The following PCDH15 variants were observed in gnomAD, a reference collection of about 807,000 sequenced individuals.
PCDH15 encodes protocadherin related 15, also known as protocadherin-15.
PCDH15 carries 129 observed loss-of-function variants against 178.5 expected under a neutral mutation model. That is an observed-to-expected ratio of 0.72 (90% CI 0.63 to 0.84). The LOEUF is 0.84. Ranked by LOEUF, PCDH15 falls within the 40% of genes least tolerant of loss-of-function variation. The pLI, the probability that PCDH15 is intolerant of heterozygous loss-of-function variation, is 0.00. For missense variants in PCDH15, 2,230 were observed against 2,099.9 expected (o/e 1.06, Z -1.21); for synonymous variants, 800 against 732.0 (o/e 1.09, Z -1.50).
At chr10:54,293,669 A>G (rs936465713) in intron 8 of PCDH15, among the ~76,000 whole-genome samples, 1 of 152,250 alleles carries the variant, frequency 6.6e-6, no homozygotes, top group Non-Finnish European at 1.5e-5. Flanking sequence ...CTATGAACAG[A>G]TTCTTCTCAA....
In PCDH15 at chr10:53,902,804, A is replaced by AT. The variant is rs555737741; in HGVS notation, c.3501+438dup. Among the ~76,000 whole-genome samples, 8 of 152,094 alleles carry AT rather than the reference A, an allele frequency of 5.3e-5. No homozygotes were observed. In the South Asian group the frequency reaches 8.3e-4, roughly 16 times the overall value. On this transcript the variant is annotated intron_variant, in intron 26 of 37. Transcript: ENST00000644397. ...GTAAAGTACTAAAACTGGTAGTGTT[A>AT]TTTTTTTACTTTCATTCAATCAGCA...
At position 54,537,391 on chromosome 10, in the gene PCDH15, A is replaced by G. The variant is rs372382109; in HGVS notation, c.92-9514T>C. On this transcript the variant is annotated intron_variant, in intron 2 of 37. Transcript: ENST00000644397. ...AAGTCTGAAACTACTCTAAAATATC[A>G]AGGAGGAGAGTCTGCTCCCTAACTC... Among the ~76,000 whole-genome samples the G allele has an allele frequency of 2.0e-5, 3 of 152,210 alleles. No individual in the cohort carries two copies. In the East Asian group the frequency reaches 5.8e-4, roughly 30 times the overall value.
intron 2 of PCDH15, among the ~76,000 whole-genome samples, chr10:55,144,102 T>C (rs972629953): frequency 2.0e-5 from 3 of 152,066 alleles, no homozygotes; most frequent in Non-Finnish European, 4.4e-5. Flanking sequence ...TCAGAAGATG[T>C]TGCTATGTAT....
rs532291618 is a variant in PCDH15, at chr10:54,809,465, T to C, written c.-29+87985A>G. On this transcript the variant is annotated intron_variant, in intron 3 of 5. Coordinates refer to the PCDH15 transcript ENST00000458638. ...AGCATTTTTATGTTAAATGCCAACA[T>C]AGTAAGAAATTACAAGTTTGGCAAA... 3.3e-5 allele frequency among the ~76,000 whole-genome samples: 5 copies of C among 152,180 alleles called. No homozygotes were observed. In the South Asian group the frequency reaches 6.2e-4, roughly 19 times the overall value.
intron 2 of PCDH15, among the ~76,000 whole-genome samples, chr10:54,909,213 G>C (rs1954777561): frequency 6.6e-6 from 1 of 152,172 alleles, no homozygotes; most frequent in Non-Finnish European, 1.5e-5. Context: ...ACAAAGCCCA[G>C]TCCCCAGGCT....
intron 8 of PCDH15, among the ~76,000 whole-genome samples, chr10:54,287,367 T>C (rs976065987): frequency 6.6e-6 from 1 of 152,232 alleles, no homozygotes; most frequent in Non-Finnish European, 1.5e-5. Context: ...TTATAGTACA[T>C]GAAGACAGAA....
At chr10:55,009,250 A>ATATG (rs1554822689) in intron 2 of PCDH15, among the ~76,000 whole-genome samples, 1 of 149,356 alleles carries the variant, frequency 6.7e-6, no homozygotes, top group East Asian at 2.0e-4. Flanking sequence ...GCACGCACAG[A>ATATG]TGTGTGTGTG....
Position 54,106,713 on chromosome 10 carries a change from C to A in PCDH15, c.1918-16650G>T, listed in dbSNP as rs368487323. 7.9e-5 allele frequency among the ~76,000 whole-genome samples: 12 copies of A among 151,946 alleles called. No homozygotes were observed. In the East Asian group the frequency reaches 1.4e-3, roughly 17 times the overall value. On this transcript the variant is annotated intron_variant, in intron 15 of 37. Transcript: ENST00000644397. ...CACACACATAAGAAAATTTCACACACAAAAAAGAGAGTTGACAGTACAACT... is the reference window on the plus strand; with the variant it reads ...CACACACATAAGAAAATTTCACACAAAAAAAAGAGAGTTGACAGTACAACT...
chr10:55,544,675 G>A (rs1169859285), intron 2 of PCDH15, among the ~76,000 whole-genome samples: 4 of 152,090 alleles, frequency 2.6e-5, no homozygotes, highest in Non-Finnish European at 5.9e-5. Flanking sequence ...ACACAATAAA[G>A]GGGAAAATCT....
intron 2 of PCDH15, among the ~76,000 whole-genome samples, chr10:54,929,129 C>T (rs1216126374): frequency 6.6e-6 from 1 of 152,122 alleles, no homozygotes; most frequent in African/African-American, 2.4e-5. Context: ...ATTTGATGAC[C>T]ATGAGCGTTT....
At chr10:55,338,875 G>C (rs1398176156) in intron 2 of PCDH15, among the ~76,000 whole-genome samples, 2 of 152,088 alleles carry the variant, frequency 1.3e-5, no homozygotes, top group Non-Finnish European at 2.9e-5. Flanking sequence ...TGTAAGCCAG[G>C]CACCGTAAAA....
chr10:55,461,005 G>C (rs1196683304), intron 2 of PCDH15, among the ~76,000 whole-genome samples: 2 of 152,100 alleles, frequency 1.3e-5, no homozygotes, highest in Non-Finnish European at 2.9e-5. Context: ...TGAATCTGAA[G>C]GTTTCCAGTG....
At chr10:54,915,291 A>T (rs955357346) in intron 2 of PCDH15, among the ~76,000 whole-genome samples, 1 of 152,206 alleles carries the variant, frequency 6.6e-6, no homozygotes, top group Non-Finnish European at 1.5e-5. Flanking sequence ...GATTGAACCC[A>T]CTACAAAGCT....
intron 2 of PCDH15, among the ~76,000 whole-genome samples, chr10:55,016,991 G>C (rs1162172456): frequency 6.6e-6 from 1 of 152,048 alleles, no homozygotes; most frequent in African/African-American, 2.4e-5. Flanking sequence ...GAGAGGGAGA[G>C]AAGTGAGTGC....
intron 1 of PCDH15, among the ~76,000 whole-genome samples, chr10:55,292,793 G>T (rs1482017577): frequency 6.6e-6 from 1 of 152,202 alleles, no homozygotes; most frequent in Non-Finnish European, 1.5e-5. Flanking sequence ...TTCTGCCCCT[G>T]TGGCTTTGCA....
At chr10:54,235,548 TAAA>T (rs1346679134) in intron 9 of PCDH15, among the ~76,000 whole-genome samples, 1 of 152,202 alleles carries the variant, frequency 6.6e-6, no homozygotes, top group East Asian at 1.9e-4. Context: ...GTCTTTCTGC[TAAA>T]ATGACACTTC....
intron 26 of PCDH15, among the ~76,000 whole-genome samples, chr10:53,902,500 G>T (rs2082397581): frequency 6.6e-6 from 1 of 152,070 alleles, no homozygotes; most frequent in East Asian, 1.9e-4. Context: ...AATTAACTCC[G>T]CAATTGAGAA....
chr10:55,248,242 A>G (rs1247499325), intron 1 of PCDH15, among the ~76,000 whole-genome samples: 1 of 152,012 alleles, frequency 6.6e-6, no homozygotes, highest in African/African-American at 2.4e-5. Context: ...ATAATACTAT[A>G]TATCAGATTT....
intron 2 of PCDH15, among the ~76,000 whole-genome samples, chr10:55,569,091 T>C (rs904686987): frequency 6.6e-6 from 1 of 152,130 alleles, no homozygotes; most frequent in Non-Finnish European, 1.5e-5. Context: ...ATTCTAGTTA[T>C]GCATCACCAC....
Sources: gnomAD v4.1 joint callset for allele counts (sites outside exome capture counted in the v4.1 genomes callset) on GRCh38, gnomAD v4.1.1 for gene constraint, MANE v1.5 for transcripts, NCBI Gene and HGNC (gene_info 2026-07-23, HGNC 2026-07-21) for gene names.